JPH1: variants seen among roughly 807,000 people sequenced by gnomAD.
The protein encoded by JPH1 is junctophilin 1, also known as junctophilin-1.
Under a neutral mutation model 53.6 loss-of-function variants are expected in JPH1, and 12 were observed. The observed-to-expected ratio is 0.22, with a 90% confidence interval of 0.14 to 0.36. The LOEUF is 0.36. Among genes scored for constraint, JPH1 ranks in the 10% least tolerant of loss-of-function variants. The probability of loss-of-function intolerance (pLI) is 1.00; values close to 1 mark genes in which losing one functional copy is unlikely to be tolerated. For missense variants in JPH1, 808 were observed against 905.5 expected (o/e 0.89, Z 1.38); for synonymous variants, 375 against 363.8 (o/e 1.03, Z -0.35).
intron 4 of JPH1, among the ~76,000 whole-genome samples, chr8:74,238,337 C>T (rs576822536): frequency 4.3e-4 from 65 of 152,276 alleles, no homozygotes; most frequent in African/African-American, 1.4e-3. Flanking sequence ...ATTGGTCAAA[C>T]ACTAATCAAT....
intron 3 of JPH1, among the ~76,000 whole-genome samples, chr8:74,256,498 A>T (rs1044884427): frequency 6.6e-6 from 1 of 151,834 alleles, no homozygotes; most frequent in South Asian, 2.1e-4. Context: ...CATATGTAAC[A>T]AACCTGCACG....
At chr8:74,281,136 T>C (rs1807006045) in intron 2 of JPH1, among the ~76,000 whole-genome samples, 1 of 152,252 alleles carries the variant, frequency 6.6e-6, no homozygotes, top group South Asian at 2.1e-4. Flanking sequence ...TTACTGGTTC[T>C]TGTGTTTAAG....
Position 74,291,502 on chromosome 8 carries a change from C to A in JPH1, c.1139+23359G>T, listed in dbSNP as rs570998189. ...ACAGGTGCTGGAGAGGATGTGGAGA[C>A]ATAGGAACACTTTTACACTGTTGGT... On this transcript the variant is annotated intron_variant, in intron 2 of 5. Transcript: ENST00000342232. Among the ~76,000 whole-genome samples the A allele has an allele frequency of 2.7e-3, 414 of 152,180 alleles. 1 individual carries two copies. Among genetic ancestry groups the A allele is most frequent in the Admixed American group, 4.7e-3 (72 of 15,286 alleles).
intron 3 of JPH1, among the ~76,000 whole-genome samples, chr8:74,252,589 C>T (rs1338107958): frequency 6.6e-6 from 1 of 151,570 alleles, no homozygotes; most frequent in Non-Finnish European, 1.5e-5. Context: ...AATTGAAAGG[C>T]ACAGACTGGC....
chr8:74,252,192 C>A (rs1004694038), intron 3 of JPH1, among the ~76,000 whole-genome samples: 3 of 152,158 alleles, frequency 2.0e-5, no homozygotes, highest in East Asian at 1.9e-4. Context: ...TAAAGACTTA[C>A]ATGTTAGACC....
chr8:74,296,061 T>C (rs1031390785), intron 2 of JPH1, among the ~76,000 whole-genome samples: 2 of 74,914 alleles, frequency 2.7e-5, no homozygotes, highest in Non-Finnish European at 5.4e-5. Context: ...ATTGGGCTAA[T>C]AGATGAACTA....
At chr8:74,263,074 C>T (rs1481510987) in intron 2 of JPH1, among the ~76,000 whole-genome samples, 1 of 152,154 alleles carries the variant, frequency 6.6e-6, no homozygotes, top group Non-Finnish European at 1.5e-5. Flanking sequence ...AAAAAGCATA[C>T]TCAATCATAC....
chr8:74,275,716 C>A (rs1037394439), intron 2 of JPH1, among the ~76,000 whole-genome samples: 2 of 152,164 alleles, frequency 1.3e-5, no homozygotes, highest in African/African-American at 2.4e-5. Flanking sequence ...TACATCACAA[C>A]AGACAATGGG....
chr8:74,302,398 T>C (rs1807709246), intron 2 of JPH1, among the ~76,000 whole-genome samples: 1 of 152,250 alleles, frequency 6.6e-6, no homozygotes, highest in African/African-American at 2.4e-5. Flanking sequence ...TTATGGACTC[T>C]AGGTAGAAAT....
chr8:74,239,545 G>T lies in JPH1; in HGVS notation c.1906-2242C>A, dbSNP rs998348705. ...TAACCTGTGCAACTCCTCAATTATG[G>T]TTAATTTAGAGCATAGAAATAATGC... is the stretch of plus-strand genomic sequence containing the variant. On this transcript the variant is annotated intron_variant, in intron 4 of 5. Transcript: ENST00000342232. 3.9e-5 allele frequency among the ~76,000 whole-genome samples: 6 copies of T among 152,252 alleles called. No homozygotes were observed. In the South Asian group the frequency reaches 6.2e-4, roughly 16 times the overall value.
chr8:74,256,339 C>T (rs1206805670), intron 3 of JPH1, among the ~76,000 whole-genome samples: 1 of 139,424 alleles, frequency 7.2e-6, no homozygotes, highest in Non-Finnish European at 1.5e-5. Flanking sequence ...GGGAATTGAT[C>T]AATGAGAACA....
In JPH1 at chr8:74,315,771, A is replaced by T; in HGVS notation, c.380-151T>A. The T allele has an allele frequency of 1.4e-6, 1 of 692,130 alleles. No individual in the cohort carries two copies. The allele number at this position is 692,130 out of a possible 1,614,324, so 42.9% of individuals were successfully genotyped here. On this transcript the variant is annotated intron_variant, in intron 1 of 5. Coordinates refer to ENST00000342232, the MANE Select transcript of JPH1 (RefSeq NM_020647.4). The surrounding 1 kb of genome is among the most constrained non-coding windows in gnomAD (Gnocchi z 6.3). Reference sequence around the variant, plus strand: ...GGGGATACTTTGCATCCACTTGTGAATCCCCGCCCTGTAATTTTGGGTGTA... The same window carrying T: ...GGGGATACTTTGCATCCACTTGTGATTCCCCGCCCTGTAATTTTGGGTGTA...
chr8:74,319,174 T>C (rs762148873), intron 1 of JPH1, among the ~76,000 whole-genome samples: 11 of 152,152 alleles, frequency 7.2e-5, no homozygotes, highest in Non-Finnish European at 1.5e-4. Context: ...TATATTTTGA[T>C]TACTAGGTAT....
chr8:74,280,452 C>G (rs188776464), intron 2 of JPH1, among the ~76,000 whole-genome samples: 166 of 152,268 alleles, frequency 1.1e-3, no homozygotes, highest in Non-Finnish European at 1.8e-3. Context: ...GCAAAGCAGA[C>G]AGATGGTTCA....
chr8:74,285,974 T>G (rs1264571015), intron 2 of JPH1, among the ~76,000 whole-genome samples: 2 of 152,214 alleles, frequency 1.3e-5, no homozygotes, highest in African/African-American at 4.8e-5. Flanking sequence ...CTTTAAAATT[T>G]TGAACCATGA....
At position 74,244,667 on chromosome 8, in the gene JPH1, C is replaced by G; in HGVS notation, c.1767G>C (p.Trp589Cys). The G allele has an allele frequency of 6.2e-7, 1 of 1,614,166 alleles. No homozygotes were observed. The highest frequency in any genetic ancestry group is 2.2e-5 in the East Asian group (1 of 44,876). The change falls in exon 4 of 6, where the codon TGG becomes TGC. Residue 589 changes from tryptophan to cysteine, a missense_variant. Physicochemically the swap from Trp to Cys is radical, Grantham distance 215. Transcript: ENST00000342232. ...GTTTTGTCACAGATTTGGAGGGACT[C>G]CACTTGTTAGCGGATGGCTTGTGCA... ...ALVHKPSANK[W>C]SPSKSVTKPV...
intron 2 of JPH1, among the ~76,000 whole-genome samples, chr8:74,312,387 G>A (rs991397857): frequency 1.3e-5 from 2 of 151,996 alleles, no homozygotes; most frequent in African/African-American, 4.8e-5. Context: ...AAGTAACTAG[G>A]ACAGGTGTGC....
chr8:74,295,252 G>A (rs1328940394), intron 2 of JPH1, among the ~76,000 whole-genome samples: 1 of 152,008 alleles, frequency 6.6e-6, no homozygotes, highest in Non-Finnish European at 1.5e-5. Flanking sequence ...CCTCTGCTGG[G>A]CTCATGTATA....
intron 3 of JPH1, among the ~76,000 whole-genome samples, chr8:74,258,113 G>C (rs1265008776): frequency 6.6e-6 from 1 of 152,172 alleles, no homozygotes; most frequent in Non-Finnish European, 1.5e-5. Flanking sequence ...GGTTCCGACA[G>C]CGTATACCCC....
Sources: allele counts gnomAD v4.1 joint callset (sites outside exome capture counted in the v4.1 genomes callset), GRCh38; gene constraint gnomAD v4.1.1; non-coding constraint Gnocchi (gnomAD v3.1); transcripts MANE v1.5; gene names NCBI Gene and HGNC (gene_info 2026-07-23, HGNC 2026-07-21).